Variants in SPMIP11 observed in about 807,000 individuals in gnomAD.
SPMIP11 encodes sperm microtubule inner protein 11.
the SPMIP11 span, among the ~76,000 whole-genome samples, chr12:48,742,616 G>C: frequency 6.6e-6 from 1 of 152,066 alleles, no homozygotes; most frequent in African/African-American, 2.4e-5. Context: ...AGGCGCAGTG[G>C]CTCACACCTG....
chr12:48,738,151 A>T, the SPMIP11 span, among the ~76,000 whole-genome samples: 1 of 152,056 alleles, frequency 6.6e-6, no homozygotes, highest in African/African-American at 2.4e-5. Context: ...CATCATCATT[A>T]TTATTATTTA....
At chr12:48,763,160 T>A in the SPMIP11 span, among the ~76,000 whole-genome samples, 1 of 152,180 alleles carries the variant, frequency 6.6e-6, no homozygotes, top group African/African-American at 2.4e-5. Flanking sequence ...ATAGCAAAAC[T>A]TTAACATTTT....
At chr12:48,734,439 C>G in the SPMIP11 span, among the ~76,000 whole-genome samples, 2 of 152,150 alleles carry the variant, frequency 1.3e-5, no homozygotes, top group Non-Finnish European at 2.9e-5. Context: ...ATTGCCTTCC[C>G]ATTACGACAG....
At chr12:48,737,923 A>C in the SPMIP11 span, among the ~76,000 whole-genome samples, 1 of 152,114 alleles carries the variant, frequency 6.6e-6, no homozygotes, top group African/African-American at 2.4e-5. Context: ...CCCAGGCTCA[A>C]GCGATGCTCC....
the SPMIP11 span, among the ~76,000 whole-genome samples, chr12:48,733,454 A>G: frequency 1.3e-5 from 2 of 152,086 alleles, no homozygotes; most frequent in African/African-American, 4.8e-5. Flanking sequence ...CAAGGTTTCC[A>G]TTTTTCATGG....
the SPMIP11 span, among the ~76,000 whole-genome samples, chr12:48,728,447 G>A: frequency 5.9e-5 from 9 of 152,140 alleles, no homozygotes; most frequent in African/African-American, 1.9e-4. Flanking sequence ...GGTGGCTCAC[G>A]CCTGTAATCC....
chr12:48,752,076 A>AAAAC, the SPMIP11 span, among the ~76,000 whole-genome samples: 1 of 151,568 alleles, frequency 6.6e-6, no homozygotes, highest in African/African-American at 2.4e-5. Context: ...CAAAAAAAAA[A>AAAAC]AAACAAACAA....
the SPMIP11 span, among the ~76,000 whole-genome samples, chr12:48,738,932 T>G: frequency 6.6e-6 from 1 of 151,612 alleles, no homozygotes; most frequent in African/African-American, 2.4e-5. Flanking sequence ...AACTTTTTTT[T>G]TTTTGCTTTT....
At chr12:48,749,224 T>A in the SPMIP11 span, among the ~76,000 whole-genome samples, 2 of 149,854 alleles carry the variant, frequency 1.3e-5, no homozygotes, top group Non-Finnish European at 3.0e-5. Flanking sequence ...ATCATGCCAC[T>A]GCACTCCAGC....
chr12:48,742,284 T>TTC, the SPMIP11 span, among the ~76,000 whole-genome samples: 191 of 136,798 alleles, frequency 1.4e-3, no homozygotes, highest in African/African-American at 4.6e-3. Flanking sequence ...TTTCCTTTTT[T>TTC]TTTTTTTTTT....
the SPMIP11 span, among the ~76,000 whole-genome samples, chr12:48,764,690 G>C: frequency 6.6e-6 from 1 of 152,180 alleles, no homozygotes; most frequent in Non-Finnish European, 1.5e-5. Flanking sequence ...CTAGAATCCG[G>C]AAGTGAAGCA....
At chr12:48,752,742 G>A in the SPMIP11 span, among the ~76,000 whole-genome samples, 1 of 149,212 alleles carries the variant, frequency 6.7e-6, no homozygotes, top group Non-Finnish European at 1.5e-5. Flanking sequence ...GGCGATCTCG[G>A]CTCACTGCAA....
chr12:48,750,307 C>G, the SPMIP11 span, among the ~76,000 whole-genome samples: 1 of 152,108 alleles, frequency 6.6e-6, no homozygotes, highest in Non-Finnish European at 1.5e-5. Context: ...GAGCTATAAT[C>G]ACACCACTGC....
the SPMIP11 span, among the ~76,000 whole-genome samples, chr12:48,748,919 C>T: frequency 5.6e-3 from 860 of 152,294 alleles, 6 homozygotes; most frequent in South Asian, 0.02. Flanking sequence ...TTCTCCAAAA[C>T]ACCACTCCAA....
At chr12:48,744,227 A>C in the SPMIP11 span, among the ~76,000 whole-genome samples, 2 of 146,886 alleles carry the variant, frequency 1.4e-5, no homozygotes, top group African/African-American at 2.5e-5. Context: ...CAGCGTGGGC[A>C]ACAAGAGTGA....
chr12:48,735,422 A>G, the SPMIP11 span, among the ~76,000 whole-genome samples: 2 of 152,114 alleles, frequency 1.3e-5, no homozygotes, highest in African/African-American at 4.8e-5. Context: ...AGCCTGGTCA[A>G]CATGGTGAAA....
At chr12:48,767,180 T>G in the SPMIP11 span, 1 of 152,670 alleles carries the variant, frequency 6.6e-6, no homozygotes, top group African/African-American at 2.4e-5. Flanking sequence ...AGCCAGGAAA[T>G]TCCTCAGCCT....
At chr12:48,742,305 G>A in the SPMIP11 span, among the ~76,000 whole-genome samples, 25 of 121,216 alleles carry the variant, frequency 2.1e-4, no homozygotes, top group African/African-American at 6.1e-4. Context: ...TTTTTGAGAC[G>A]GAGTCTCACT....
chr12:48,759,610 G>A, the SPMIP11 span, among the ~76,000 whole-genome samples: 1 of 151,636 alleles, frequency 6.6e-6, no homozygotes, highest in African/African-American at 2.4e-5. Context: ...GTTGGAGGTT[G>A]CGTGAGCCAA....
Sources: gnomAD v4.1 joint callset for allele counts (sites outside exome capture counted in the v4.1 genomes callset) on GRCh38, gnomAD v4.1.1 for gene constraint, MANE v1.5 for transcripts, NCBI Gene and HGNC (gene_info 2026-07-23, HGNC 2026-07-21) for gene names.